Variants in CNTN5 observed in about 807,000 individuals in gnomAD.
The protein encoded by CNTN5 is contactin-5.
In CNTN5, 77 loss-of-function variants were observed where a neutral mutation model predicts 129.1. The observed-to-expected ratio is 0.60, with a 90% CI of 0.50 to 0.72. CNTN5 has a LOEUF of 0.72. Ranked by LOEUF, CNTN5 falls within the 30% of genes least tolerant of loss-of-function variation. CNTN5 has a pLI of 0.00. For missense variants in CNTN5, 1,478 were observed against 1,328.8 expected (o/e 1.11, Z -1.75); for synonymous variants, 509 against 465.6 (o/e 1.09, Z -1.20).
chr11:99,966,006 A>G (rs2136207990), intron 8 of CNTN5, among the ~76,000 whole-genome samples: 1 of 152,336 alleles, frequency 6.6e-6, no homozygotes, highest in East Asian at 1.9e-4. Context: ...GCTGGGTTTT[A>G]GAAACCTCTC....
At chr11:99,352,847 A>G (rs1415916788) in intron 2 of CNTN5, among the ~76,000 whole-genome samples, 2 of 152,100 alleles carry the variant, frequency 1.3e-5, no homozygotes, top group Admixed American at 1.3e-4. Context: ...TGTCAACATC[A>G]CTTCTAGTCT....
At chr11:99,364,718 T>C (rs983593621) in intron 2 of CNTN5, among the ~76,000 whole-genome samples, 1 of 152,136 alleles carries the variant, frequency 6.6e-6, no homozygotes, top group African/African-American at 2.4e-5. Context: ...GTCGGTACGA[T>C]TAAATCATTG....
At position 99,693,173 on chromosome 11, in the gene CNTN5, TA is replaced by T. The variant is rs370417665; in HGVS notation, c.56-126366del. On this transcript the variant is annotated intron_variant, in intron 3 of 24. Coordinates refer to ENST00000524871, the MANE Select transcript of CNTN5 (RefSeq NM_014361.4). The stretch of plus-strand genomic sequence containing the variant: ...TAATGTAGTCTTCAAAGAAAAACAT[TA>T]AAAACTGAGTACATGTGTGTTTTCA... Among the ~76,000 whole-genome samples the T allele has an allele frequency of 1.5e-4, 23 of 152,274 alleles. No individual in the cohort carries two copies. The East Asian group carries it at 3.3e-3, about 22-fold the overall frequency.
intron 1 of CNTN5, among the ~76,000 whole-genome samples, chr11:99,316,888 C>A (rs1865366159): frequency 6.6e-6 from 1 of 152,100 alleles, no homozygotes; most frequent in Admixed American, 6.6e-5. Flanking sequence ...AGCCAGGCTG[C>A]CAGGCTGTTT....
At chr11:99,323,466 G>A (rs1865654648) in intron 1 of CNTN5, among the ~76,000 whole-genome samples, 1 of 152,182 alleles carries the variant, frequency 6.6e-6, no homozygotes, top group Admixed American at 6.5e-5. Flanking sequence ...TGCTATGTTA[G>A]TTCATAATGA....
intron 2 of CNTN5, among the ~76,000 whole-genome samples, chr11:99,342,582 A>C (rs1324811584): frequency 7.1e-6 from 1 of 140,186 alleles, no homozygotes; most frequent in East Asian, 2.0e-4. Context: ...AAAAAAAAAA[A>C]AAAAAAAAAA....
At chr11:99,053,995 C>A (rs1194326730) in intron 1 of CNTN5, among the ~76,000 whole-genome samples, 1 of 151,934 alleles carries the variant, frequency 6.6e-6, no homozygotes, top group East Asian at 1.9e-4. Flanking sequence ...TTTGCTGTAT[C>A]TGAAGTTCCT....
intron 3 of CNTN5, among the ~76,000 whole-genome samples, chr11:99,655,475 C>T (rs1355234400): frequency 6.6e-6 from 1 of 152,120 alleles, no homozygotes; most frequent in Non-Finnish European, 1.5e-5. Flanking sequence ...AGAAAAATCT[C>T]TTGCATGCTT....
intron 2 of CNTN5, among the ~76,000 whole-genome samples, chr11:99,432,439 C>CCTTTTCTTTTCTTTTCTTTCCTTTT (rs1555143545): frequency 4.1e-4 from 46 of 113,266 alleles, no homozygotes; most frequent in Non-Finnish European, 7.5e-4. Context: ...CCTTTTCTTT[C>CCTTTTCTTTTCTTTTCTTTCCTTTT]CTTTTCTTTT....
At chr11:99,319,932 A>C (rs1262974834) in intron 1 of CNTN5, among the ~76,000 whole-genome samples, 2 of 152,118 alleles carry the variant, frequency 1.3e-5, no homozygotes, top group Non-Finnish European at 2.9e-5. Flanking sequence ...TTGATAAATA[A>C]ATTCATGGGT....
chr11:100,145,048 C>A (rs1946807309), intron 13 of CNTN5, among the ~76,000 whole-genome samples: 1 of 127,120 alleles, frequency 7.9e-6, no homozygotes, highest in African/African-American at 2.5e-5. Context: ...TAAATTCTGT[C>A]TTTTTTAACT....
intron 2 of CNTN5, among the ~76,000 whole-genome samples, chr11:99,540,567 G>A (rs1948066630): frequency 6.6e-6 from 1 of 152,090 alleles, no homozygotes; most frequent in African/African-American, 2.4e-5. Flanking sequence ...GATTAATGCA[G>A]AGGTCAAGAA....
chr11:100,226,803 GC>G (rs1949384734), intron 16 of CNTN5, among the ~76,000 whole-genome samples: 1 of 152,042 alleles, frequency 6.6e-6, no homozygotes, highest in South Asian at 2.1e-4. Context: ...AATTCAACAA[GC>G]TTTGATGTTT....
At chr11:99,748,203 G>A (rs1345572023) in intron 3 of CNTN5, among the ~76,000 whole-genome samples, 5 of 151,950 alleles carry the variant, frequency 3.3e-5, no homozygotes, top group African/African-American at 1.2e-4. Context: ...TTGGTATGAG[G>A]GTAATGTTAG....
chr11:99,691,818 G>A (rs941350392), intron 3 of CNTN5, among the ~76,000 whole-genome samples: 45 of 152,112 alleles, frequency 3.0e-4, no homozygotes, highest in African/African-American at 7.9e-4. Flanking sequence ...TTTCTGTCTC[G>A]ATGATCTGTC....
intron 3 of CNTN5, among the ~76,000 whole-genome samples, chr11:99,700,534 G>A (rs1954473236): frequency 6.6e-6 from 1 of 151,284 alleles, no homozygotes; most frequent in African/African-American, 2.4e-5. Context: ...CTAAAAGGTG[G>A]TTAGGCAGAT....
chr11:99,031,229 G>T (rs1863359417), intron 1 of CNTN5, among the ~76,000 whole-genome samples: 1 of 151,968 alleles, frequency 6.6e-6, no homozygotes, highest in Non-Finnish European at 1.5e-5. Context: ...ATGACATCTA[G>T]ATATATTACT....
Position 99,998,850 on chromosome 11 carries a change from C to T in CNTN5, c.878-3184C>T, listed in dbSNP as rs926514619. On this transcript the variant is annotated intron_variant, in intron 8 of 24. Coordinates refer to ENST00000524871, the MANE Select transcript of CNTN5 (RefSeq NM_014361.4). ...AGAACAGAGCCCTCAGAAATAATGC[C>T]GCATATCTACAGCTATCTGATCTTT... is the stretch of plus-strand genomic sequence containing the variant. 1.8e-3 allele frequency among the ~76,000 whole-genome samples: 267 copies of T among 150,506 alleles called. 1 individual carries two copies. The highest frequency in any genetic ancestry group is 6.2e-3 in the African/African-American group (256 of 41,002).
chr11:99,492,483 C>T (rs1946073825), intron 2 of CNTN5, among the ~76,000 whole-genome samples: 1 of 152,090 alleles, frequency 6.6e-6, no homozygotes, highest in Admixed American at 6.6e-5. Context: ...TATTCATATG[C>T]TAAAATCTTC....
Sources: allele counts gnomAD v4.1 joint callset (sites outside exome capture counted in the v4.1 genomes callset), GRCh38; gene constraint gnomAD v4.1.1; transcripts MANE v1.5; gene names NCBI Gene and HGNC (gene_info 2026-07-23, HGNC 2026-07-21).